IL15RA: variants seen among roughly 807,000 people sequenced by gnomAD.
IL15RA encodes interleukin 15 receptor subunit alpha.
In IL15RA, 26 loss-of-function variants were observed where a neutral mutation model predicts 24.2. The observed-to-expected ratio is 1.07, with a 90% CI of 0.79 to 1.49. The LOEUF (loss-of-function observed/expected upper bound fraction) is 1.49, where lower values mean the gene tolerates loss of function less well. Ranked by LOEUF, IL15RA falls within the 40% of genes most tolerant of loss-of-function variation. The pLI is 0.00. For synonymous variants in IL15RA, 166 were observed against 157.6 expected (o/e 1.05, Z -0.40); for missense variants, 354 against 356.4 (o/e 0.99, Z 0.05).
intron 1 of IL15RA, among the ~76,000 whole-genome samples, chr10:5,969,203 A>G (rs1340767212): frequency 3.3e-5 from 5 of 151,484 alleles, no homozygotes; most frequent in Non-Finnish European, 2.9e-5. Flanking sequence ...GCTTTTCTAG[A>G]TCCTTTACTG....
At position 5,966,662 on chromosome 10, in the gene IL15RA, G is replaced by A. The variant is rs1049629089; in HGVS notation, c.89-323C>T. On this transcript the variant is annotated intron_variant, in intron 1 of 6. Coordinates refer to ENST00000379977, the MANE Select transcript of IL15RA (RefSeq NM_002189.4). The surrounding 1 kb of genome is among the most constrained non-coding windows in gnomAD (Gnocchi z 6.4). ...CTTAAAGTCTTCACCCCTCTCCACC[G>A]TGGACCCAGCCTCCAATTCTCACTG... 6.6e-5 allele frequency among the ~76,000 whole-genome samples: 10 copies of A among 151,874 alleles called. No homozygotes were observed. The highest frequency in any genetic ancestry group is 3.9e-4 in the Admixed American group (6 of 15,248).
In IL15RA at chr10:5,964,389, A is replaced by G. The variant is rs2132480064; in HGVS notation, c.284-548T>C. 6.6e-6 allele frequency among the ~76,000 whole-genome samples: 1 copy of G among 151,886 alleles called. No individual in the cohort carries two copies. The highest frequency in any genetic ancestry group is 1.9e-4 in the East Asian group (1 of 5,184). ...GCTATGTTGCTGAGGCTGGTCTCGA[A>G]CTCCTGGTCTCAAGAAATCCCTCCC... On this transcript the variant is annotated intron_variant, in intron 2 of 6. Transcript: ENST00000379977. The surrounding 1 kb of genome is among the most constrained non-coding windows in gnomAD (Gnocchi z 5.6).
chr10:5,960,197 G>A lies in IL15RA; in HGVS notation c.583+170C>T, dbSNP rs1222398632. The stretch of plus-strand genomic sequence containing the variant: ...TGCCCCAGCCACAGAGAAAGCCACG[G>A]AGAAAGAGGTCAGGCCAGGACGCCG... On this transcript the variant is annotated intron_variant, in intron 4 of 6. Coordinates refer to ENST00000379977, the MANE Select transcript of IL15RA (RefSeq NM_002189.4). The surrounding 1 kb of genome is among the most constrained non-coding windows in gnomAD (Gnocchi z 5.1). Among the ~76,000 whole-genome samples the A allele has an allele frequency of 1.3e-5, 2 of 152,222 alleles. No individual in the cohort carries two copies. The highest frequency in any genetic ancestry group is 2.9e-5 in the Non-Finnish European group (2 of 68,046).
downstream of IL15RA, chr10:5,949,168 A>T (rs751630575): frequency 6.4e-6 from 3 of 469,606 alleles, no homozygotes; most frequent in South Asian, 4.7e-5. This position sits in a 1 kb window ranked among gnomAD's most constrained non-coding sequence, Gnocchi z 4.4. Context: ...TGTCTTCCCT[A>T]TAGACATCTC....
At chr10:5,976,285 A>AGGGGGGGG (rs1564525046) in intron 1 of IL15RA, among the ~76,000 whole-genome samples, 12 of 144,004 alleles carry the variant, frequency 8.3e-5, no homozygotes, top group Non-Finnish European at 1.1e-4. Flanking sequence ...TGGGGGTGGC[A>AGGGGGGGG]GAGGGTGGGG....
At position 5,963,004 on chromosome 10, in the gene IL15RA, A is replaced by T. The variant is rs1835862221; in HGVS notation, c.382+739T>A. Among the ~76,000 whole-genome samples, 1 of 152,206 alleles carries T rather than the reference A, an allele frequency of 6.6e-6. No individual in the cohort carries two copies. The highest frequency in any genetic ancestry group is 2.4e-5 in the African/African-American group (1 of 41,452). On this transcript the variant is annotated intron_variant, in intron 3 of 6. Transcript: ENST00000379977. This position sits in a 1 kb window ranked among gnomAD's most constrained non-coding sequence, Gnocchi z 5.3. Reference sequence around the variant, plus strand: ...TGGCAGCTTCAGGCAGCGCCTCTATAATAGAGCAGTCACTGGGATGTGCTG... The same window carrying T: ...TGGCAGCTTCAGGCAGCGCCTCTATTATAGAGCAGTCACTGGGATGTGCTG...
intron 1 of IL15RA, chr10:5,969,039 T>C: frequency 2.1e-6 from 3 of 1,398,542 alleles, no homozygotes; most frequent in Middle Eastern, 1.8e-4. Flanking sequence ...TGTGTGTGTT[T>C]CTGGCTGACT....
Position 5,977,485 on chromosome 10 carries a change from G to A in IL15RA, c.8C>T (p.Pro3Leu). The change falls in exon 1 of 7, where the codon CCG becomes CTG. Residue 3 changes from proline (P) to leucine (L), a missense_variant. Pro to Leu is a moderately conservative substitution (Grantham distance 98). Coordinates refer to ENST00000379977, the MANE Select transcript of IL15RA (RefSeq NM_002189.4). MA[P>L]RRARGCRTLG... ...GGTCCGGCAGCCGCGCGCCCGCCGC[G>A]GGGCCATGGCGGCAGCTCCACAGGA... The A allele has an allele frequency of 2.2e-6, 3 of 1,356,218 alleles. No individual in the cohort carries two copies. Among genetic ancestry groups the A allele is most frequent in the Non-Finnish European group, 2.8e-6 (3 of 1,056,070 alleles). 84.0% of individuals were successfully genotyped at this position (1,356,218 alleles called of 1,614,324 possible).
downstream of IL15RA, among the ~76,000 whole-genome samples, chr10:5,952,143 G>A (rs1474929865): frequency 6.6e-6 from 1 of 152,200 alleles, no homozygotes; most frequent in Admixed American, 6.5e-5. Context: ...GAGACGATGT[G>A]TATACCACTG....
Position 5,958,343 on chromosome 10 carries a change from G to A in IL15RA, c.616+1411C>T, listed in dbSNP as rs1380730579. ...GCCTGGAAATCTGGTAGCAAGTGTT[G>A]CTTCCTTCCTGCAAGGGGATTTTTG... On this transcript the variant is annotated intron_variant, in intron 5 of 6. Coordinates refer to ENST00000379977, the MANE Select transcript of IL15RA (RefSeq NM_002189.4). The surrounding 1 kb of genome is among the most constrained non-coding windows in gnomAD (Gnocchi z 4.3). The A allele has an allele frequency of 2.2e-6, 1 of 446,644 alleles. No homozygotes were observed. Among genetic ancestry groups the A allele is most frequent in the East Asian group, 7.0e-5 (1 of 14,336 alleles). 27.7% of individuals were successfully genotyped at this position (446,644 alleles called of 1,614,324 possible).
At position 5,953,242 on chromosome 10, in the gene IL15RA, G is replaced by C; in HGVS notation, c.693-36C>G. The C allele has an allele frequency of 6.7e-7, 1 of 1,493,502 alleles. No individual in the cohort carries two copies. The highest frequency in any genetic ancestry group is 9.3e-7 in the Non-Finnish European group (1 of 1,069,952). 92.5% of individuals were successfully genotyped at this position (1,493,502 alleles called of 1,614,324 possible). A position where few individuals can be genotyped will look rare whatever the true frequency, so the allele number is the denominator to read the frequency against. ...GGTGGTTCATAGGTTTTGAAAAGAG[G>C]AGGGGGTTGCCCTCAAATCAACAGA... On this transcript the variant is annotated intron_variant, in intron 6 of 6. Transcript: ENST00000379977. This position sits in a 1 kb window ranked among gnomAD's most constrained non-coding sequence, Gnocchi z 5.3.
Position 5,966,423 on chromosome 10 carries a change from T to A in IL15RA, c.89-84A>T. The stretch of plus-strand genomic sequence containing the variant: ...TCCAGGCACACGCAGCGGTAGTCAG[T>A]GTCCAGCTTATCCTAGGGGTGCCTC... On this transcript the variant is annotated intron_variant, in intron 1 of 6. Coordinates refer to ENST00000379977, the MANE Select transcript of IL15RA (RefSeq NM_002189.4). This position sits in a 1 kb window ranked among gnomAD's most constrained non-coding sequence, Gnocchi z 6.4. The A allele has an allele frequency of 1.7e-6, 2 of 1,169,654 alleles. No individual in the cohort carries two copies. Among genetic ancestry groups the A allele is most frequent in the Middle Eastern group, 2.8e-4 (1 of 3,580 alleles). The allele number at this position is 1,169,654 out of a possible 1,614,324, so 72.5% of individuals were successfully genotyped here. A position where few individuals can be genotyped will look rare whatever the true frequency, so the allele number is the denominator to read the frequency against.
At chr10:5,957,074 C>T (rs553415386) in intron 5 of IL15RA, among the ~76,000 whole-genome samples, 60 of 151,886 alleles carry the variant, frequency 4.0e-4, no homozygotes, top group African/African-American at 1.4e-3. Flanking sequence ...ATTCTCCTGC[C>T]TCAGCCTTCT....
chr10:5,966,387 AAG>A lies in IL15RA; in HGVS notation c.89-50_89-49del, dbSNP rs1338045855. 1 of 1,512,662 alleles carries A rather than the reference AAG, an allele frequency of 6.6e-7. No homozygotes were observed. Among genetic ancestry groups the A allele is most frequent in the African/African-American group, 1.4e-5 (1 of 73,086 alleles). The allele number at this position is 1,512,662 out of a possible 1,614,324, so 93.7% of individuals were successfully genotyped here. A position where few individuals can be genotyped will look rare whatever the true frequency, so the allele number is the denominator to read the frequency against. On this transcript the variant is annotated intron_variant, in intron 1 of 6. Transcript: ENST00000379977. This position sits in a 1 kb window ranked among gnomAD's most constrained non-coding sequence, Gnocchi z 6.4. ...GGACGGTGAAGAGGTTTCCACTTGT[AAG>A]AGGCGTTCTCCAGGCACACGCAGCG...
rs1426891993 is a variant in IL15RA at position 5,962,513 on chromosome 10, A to T, written c.382+1230T>A. ...AGGCTGAGGCAGGAAAATCACTTGA[A>T]CCTGGGAGGCAGAGGTTGCAGTGAG... On this transcript the variant is annotated intron_variant, in intron 3 of 6. Transcript: ENST00000379977. The surrounding 1 kb of genome is among the most constrained non-coding windows in gnomAD (Gnocchi z 5.2). Among the ~76,000 whole-genome samples, 1 of 150,414 alleles carries T rather than the reference A, an allele frequency of 6.6e-6. No homozygotes were observed. Among genetic ancestry groups the T allele is most frequent in the East Asian group, 2.0e-4 (1 of 5,126 alleles).
In IL15RA at chr10:5,955,850, T is replaced by C. The variant is rs1217872742; in HGVS notation, c.692+529A>G. ...TGGTGCACTTTCTCTGGCCGCCCCATTTCTACCATGAGCAGGGGTAGGGGG... is the reference window on the plus strand; with the variant it reads ...TGGTGCACTTTCTCTGGCCGCCCCACTTCTACCATGAGCAGGGGTAGGGGG... On this transcript the variant is annotated intron_variant, in intron 6 of 6. Transcript: ENST00000379977. This position sits in a 1 kb window ranked among gnomAD's most constrained non-coding sequence, Gnocchi z 5.3. 1.3e-5 allele frequency among the ~76,000 whole-genome samples: 2 copies of C among 152,106 alleles called. No individual in the cohort carries two copies. The highest frequency in any genetic ancestry group is 1.3e-4 in the Admixed American group (2 of 15,266).
rs775210239 is a variant in IL15RA at position 5,966,360 on chromosome 10, G to A, written c.89-21C>T. On this transcript the variant is annotated intron_variant, in intron 1 of 6. Transcript: ENST00000379977. The surrounding 1 kb of genome is among the most constrained non-coding windows in gnomAD (Gnocchi z 6.4). ...GATGCCTGCGAAAGTGCAGAGGACA[G>A]GGGACGGTGAAGAGGTTTCCACTTG... 18 of 1,593,846 alleles carry A rather than the reference G, an allele frequency of 1.1e-5. No homozygotes were observed. The highest frequency in any genetic ancestry group is 1.4e-5 in the Non-Finnish European group (16 of 1,163,342).
At position 5,952,449 on chromosome 10, in the gene IL15RA, T is replaced by C. The variant is rs1833949688; in HGVS notation, c.*646A>G. 6.5e-6 allele frequency: 1 copy of C among 152,732 alleles called. No homozygotes were observed. Among genetic ancestry groups the C allele is most frequent in the Non-Finnish European group, 1.5e-5 (1 of 68,090 alleles). The allele number at this position is 152,732 out of a possible 1,614,324, so 9.5% of individuals were successfully genotyped here. On this transcript the variant is annotated 3_prime_UTR_variant, in exon 7 of 7. Coordinates refer to ENST00000379977, the MANE Select transcript of IL15RA (RefSeq NM_002189.4). Reference sequence around the variant, plus strand: ...ATGTCAAAATACAAATAATATATAATGTATAGATATAATAGACAAGGAAGT... The same window carrying C: ...ATGTCAAAATACAAATAATATATAACGTATAGATATAATAGACAAGGAAGT...
intron 6 of IL15RA, among the ~76,000 whole-genome samples, chr10:5,954,732 TA>T (rs199709634): frequency 0.028 from 4,230 of 152,298 alleles, 188 homozygotes; most frequent in African/African-American, 0.096. Flanking sequence ...TATGTACATT[TA>T]AAAAATATAT....
Sources: allele counts gnomAD v4.1 joint callset (sites outside exome capture counted in the v4.1 genomes callset), GRCh38; gene constraint gnomAD v4.1.1; non-coding constraint Gnocchi (gnomAD v3.1); transcripts MANE v1.5; gene names NCBI Gene and HGNC (gene_info 2026-07-23, HGNC 2026-07-21).